SNX8: variants seen among roughly 807,000 people sequenced by gnomAD.
SNX8 encodes the protein sorting nexin-8.
A neutral mutation model predicts 51.6 loss-of-function variants in SNX8; 25 were observed. That is an observed-to-expected ratio of 0.48 (90% confidence interval 0.35 to 0.68). SNX8 has a LOEUF of 0.68. Among genes scored for constraint, SNX8 ranks in the 30% least tolerant of loss-of-function variants. SNX8 has a pLI of 0.00. For missense variants in SNX8, 695 were observed against 624.0 expected (o/e 1.11, Z -1.21); for synonymous variants, 324 against 277.0 (o/e 1.17, Z -1.68).
At chr7:2,345,562 C>T (rs1779005729) in intron 1 of SNX8, among the ~76,000 whole-genome samples, 1 of 151,854 alleles carries the variant, frequency 6.6e-6, no homozygotes, top group Non-Finnish European at 1.5e-5. Context: ...CCTGTAATCC[C>T]AGCTACTTGG....
At chr7:2,262,071 T>C (rs1379865065) in intron 7 of SNX8, among the ~76,000 whole-genome samples, 2 of 152,350 alleles carry the variant, frequency 1.3e-5, no homozygotes, top group South Asian at 2.1e-4. Context: ...AGGGTCTCGC[T>C]CTGTCGCCCA....
At chr7:2,318,421 G>A (rs1486269880), upstream of SNX8, among the ~76,000 whole-genome samples, 2 of 151,806 alleles carry the variant, frequency 1.3e-5, no homozygotes, top group African/African-American at 2.4e-5. Context: ...CTACTCGGGA[G>A]GCTGAGGCAG....
chr7:2,340,772 G>A (rs1240650869), intron 1 of SNX8, among the ~76,000 whole-genome samples: 3 of 143,506 alleles, frequency 2.1e-5, no homozygotes, highest in Admixed American at 7.6e-5. Context: ...CAGGAGAATC[G>A]CTTGAACCCG....
intron 1 of SNX8, among the ~76,000 whole-genome samples, chr7:2,334,200 G>A (rs555897715): frequency 2.6e-5 from 4 of 152,230 alleles, no homozygotes; most frequent in Middle Eastern, 3.4e-3. Context: ...TCAGCAGATC[G>A]AGACCATCTT....
chr7:2,272,021 ATCT>A (rs1760677118), intron 3 of SNX8, 50 bp from the exon 4 acceptor site: 1 of 1,607,364 alleles, frequency 6.2e-7, no homozygotes, highest in Non-Finnish European at 8.5e-7. Flanking sequence ...GCCGGCCCCC[ATCT>A]TCTGCTCTGG....
chr7:2,307,607 G>C (rs1796573393), intron 1 of SNX8: 1 of 143,868 alleles, frequency 7.0e-6, no homozygotes, highest in Non-Finnish European at 1.5e-5. Flanking sequence ...ACTCCAGCCT[G>C]GGCAACAAGA....
At chr7:2,268,519 C>T (rs1389921252) in intron 5 of SNX8, among the ~76,000 whole-genome samples, 3 of 147,236 alleles carry the variant, frequency 2.0e-5, no homozygotes, top group African/African-American at 7.5e-5. Flanking sequence ...GCCCCCCCGC[C>T]CGGCCAGCCG....
At chr7:2,289,764 C>A (rs1039385774) in intron 1 of SNX8, among the ~76,000 whole-genome samples, 8 of 152,166 alleles carry the variant, frequency 5.3e-5, no homozygotes, top group Admixed American at 2.0e-4. Context: ...GTGGGTATAA[C>A]AAAGCCATTC....
rs778104758 is a variant in SNX8, at chr7:2,255,182, C to T, written c.1285-13G>A. ...ACACCTTGCTCATCTGAAAGGGAAG[C>T]GAAGAGAACAAGATCAGCAGGCGGG... is the stretch of plus-strand genomic sequence containing the variant. On this transcript the variant is annotated splice_polypyrimidine_tract_variant and intron_variant, in intron 10 of 10. Coordinates refer to ENST00000222990, the MANE Select transcript of SNX8 (RefSeq NM_013321.4). 43 of 1,502,674 alleles carry T rather than the reference C, an allele frequency of 2.9e-5. No individual in the cohort carries two copies. The Admixed American group carries it at 4.3e-4, about 15-fold the overall frequency. The allele number at this position is 1,502,674 out of a possible 1,614,324, so 93.1% of individuals were successfully genotyped here.
At chr7:2,327,411 T>C (rs1480069570) in intron 1 of SNX8, among the ~76,000 whole-genome samples, 5 of 151,110 alleles carry the variant, frequency 3.3e-5, no homozygotes, top group African/African-American at 1.2e-4. Flanking sequence ...GGCTAATTTT[T>C]TTATTTTTTT....
intron 1 of SNX8, among the ~76,000 whole-genome samples, chr7:2,330,435 C>T (rs1429292080): frequency 6.6e-6 from 1 of 151,944 alleles, no homozygotes; most frequent in African/African-American, 2.4e-5. Flanking sequence ...CCGTGCCCAG[C>T]CCTTTTGCAA....
intron 1 of SNX8, chr7:2,309,985 C>T (rs1399691330): frequency 1.2e-5 from 5 of 416,214 alleles, no homozygotes; most frequent in Middle Eastern, 7.9e-4. Flanking sequence ...ACAAACAGCA[C>T]GGAGCTTCCG....
At chr7:2,288,490 C>T (rs536181731) in intron 1 of SNX8, 3 of 166,470 alleles carry the variant, frequency 1.8e-5, no homozygotes, top group African/African-American at 2.4e-5. Flanking sequence ...TACAGACACA[C>T]GTCATTCCCC....
chr7:2,308,412 A>G (rs1796592343), intron 1 of SNX8, among the ~76,000 whole-genome samples: 1 of 152,168 alleles, frequency 6.6e-6, no homozygotes, highest in African/African-American at 2.4e-5. Flanking sequence ...TCACACCTGT[A>G]ATCCCAGCAC....
At chr7:2,284,505 G>C (rs150042935) in intron 1 of SNX8, among the ~76,000 whole-genome samples, 1 of 146,004 alleles carries the variant, frequency 6.8e-6, no homozygotes, top group Non-Finnish European at 1.5e-5. Context: ...GGGTTTAAGC[G>C]ATTCTCCTGC....
intron 1 of SNX8, among the ~76,000 whole-genome samples, chr7:2,290,190 C>T (rs1038085448): frequency 5.9e-5 from 9 of 151,986 alleles, no homozygotes; most frequent in African/African-American, 1.9e-4. Context: ...AAAACTCTGC[C>T]TCTAAATAAA....
At chr7:2,278,408 C>G in intron 1 of SNX8, 103 bp from the exon 2 acceptor site, 1 of 694,180 alleles carries the variant, frequency 1.4e-6, no homozygotes, top group Non-Finnish European at 2.4e-6. Flanking sequence ...CTTTGGGAGG[C>G]CCAGGAGGGA....
At chr7:2,288,661 C>T (rs1181758776) in intron 1 of SNX8, among the ~76,000 whole-genome samples, 2 of 152,142 alleles carry the variant, frequency 1.3e-5, no homozygotes, top group Non-Finnish European at 2.9e-5. Context: ...TCGATGCCCA[C>T]TCAGAACCTG....
At chr7:2,324,076 C>T (rs1245691872) in intron 1 of SNX8, among the ~76,000 whole-genome samples, 1 of 151,462 alleles carries the variant, frequency 6.6e-6, no homozygotes, top group Non-Finnish European at 1.5e-5. Flanking sequence ...GCTGAGATCA[C>T]GCCACTGTAC....
Sources: allele counts gnomAD v4.1 joint callset (sites outside exome capture counted in the v4.1 genomes callset), GRCh38; gene constraint gnomAD v4.1.1; transcripts MANE v1.5; gene names NCBI Gene and HGNC (gene_info 2026-07-23, HGNC 2026-07-21).